DLGAP1: variants seen among roughly 807,000 people sequenced by gnomAD.
DLGAP1 encodes the protein disks large-associated protein 1.
Under a neutral mutation model 90.8 loss-of-function variants are expected in DLGAP1, and 11 were observed. That is an observed-to-expected ratio of 0.12 (90% CI 0.08 to 0.20). The LOEUF is 0.20. DLGAP1 is among the 10% of genes least tolerant of loss of function. The probability of loss-of-function intolerance (pLI) is 1.00; values close to 1 mark genes in which losing one functional copy is unlikely to be tolerated. For synonymous variants in DLGAP1, 558 were observed against 540.7 expected (o/e 1.03, Z -0.44); for missense variants, 1,050 against 1,333.8 (o/e 0.79, Z 3.31).
At chr18:3,505,637 TA>T (rs35445954) in intron 11 of DLGAP1, among the ~76,000 whole-genome samples, 2,123 of 87,668 alleles carry the variant, frequency 0.024, 55 homozygotes, top group African/African-American at 0.085. Flanking sequence ...AGACTCCCTC[TA>T]AAAAAAAAAA....
intron 3 of DLGAP1, among the ~76,000 whole-genome samples, chr18:3,906,169 T>C (rs778966595): frequency 1.3e-5 from 2 of 152,212 alleles, no homozygotes; most frequent in Non-Finnish European, 2.9e-5. Context: ...ATCTTTATAG[T>C]AGAAAAGAAC....
intron 2 of DLGAP1, among the ~76,000 whole-genome samples, chr18:4,061,936 A>T (rs2075303890): frequency 6.6e-6 from 1 of 152,148 alleles, no homozygotes; most frequent in Non-Finnish European, 1.5e-5. Flanking sequence ...TCTTAAATGC[A>T]GGATGCTGAT....
chr18:4,199,726 A>G (rs1308273217), intron 1 of DLGAP1, among the ~76,000 whole-genome samples: 1 of 152,226 alleles, frequency 6.6e-6, no homozygotes, highest in Non-Finnish European at 1.5e-5. Context: ...GGAAGAGATA[A>G]GAAGAATGCA....
At chr18:4,170,995 G>A (rs907699716) in intron 1 of DLGAP1, among the ~76,000 whole-genome samples, 1 of 152,028 alleles carries the variant, frequency 6.6e-6, no homozygotes, top group Admixed American at 6.6e-5. Context: ...GCTTAAATTT[G>A]CATGAGTATA....
intron 1 of DLGAP1, among the ~76,000 whole-genome samples, chr18:4,426,675 G>A (rs1436555773): frequency 6.6e-6 from 1 of 152,186 alleles, no homozygotes; most frequent in African/African-American, 2.4e-5. Context: ...GTTATTCTAA[G>A]AGGTAAGTGA....
rs1416968974 is a variant in DLGAP1 at position 4,454,784 on chromosome 18, C to G, written c.-267+222G>C. Among the ~76,000 whole-genome samples the G allele has an allele frequency of 2.0e-5, 3 of 151,854 alleles. No homozygotes were observed. Among genetic ancestry groups the G allele is most frequent in the African/African-American group, 7.2e-5 (3 of 41,382 alleles). Reference sequence around the variant, plus strand: ...TGGCCGGAGAGGACGCGCTCGCCCCCGAGATCCCAGGTTACCCGGAGGGCC... The same window carrying G: ...TGGCCGGAGAGGACGCGCTCGCCCCGGAGATCCCAGGTTACCCGGAGGGCC... On this transcript the variant is annotated intron_variant, in intron 1 of 12. Coordinates refer to ENST00000315677, the MANE Select transcript of DLGAP1 (RefSeq NM_004746.4). The surrounding 1 kb of genome is among the most constrained non-coding windows in gnomAD (Gnocchi z 4.7).
chr18:3,853,499 A>C (rs538258343), intron 4 of DLGAP1, among the ~76,000 whole-genome samples: 23 of 151,800 alleles, frequency 1.5e-4, no homozygotes, highest in Non-Finnish European at 3.2e-4. Flanking sequence ...ACAGGCGGTA[A>C]GATTCTGTGA....
intron 7 of DLGAP1, among the ~76,000 whole-genome samples, chr18:3,640,038 G>A (rs138738838): frequency 0.026 from 3,999 of 152,082 alleles, 192 homozygotes; most frequent in African/African-American, 0.092. Context: ...ACAGGCGTGA[G>A]CCACGGCACC....
intron 7 of DLGAP1, among the ~76,000 whole-genome samples, chr18:3,601,439 GGTGT>G (rs112583120): frequency 1.4e-5 from 2 of 148,098 alleles, no homozygotes; most frequent in African/African-American, 2.5e-5. Context: ...CATATGCAAG[GGTGT>G]GTGTGTGTGT....
At chr18:4,031,379 A>C (rs892421814) in intron 2 of DLGAP1, among the ~76,000 whole-genome samples, 1 of 152,224 alleles carries the variant, frequency 6.6e-6, no homozygotes, top group African/African-American at 2.4e-5. Flanking sequence ...ACTACTGAAA[A>C]CATTGGTGAC....
At chr18:3,952,237 A>AT (rs1274703522) in intron 3 of DLGAP1, among the ~76,000 whole-genome samples, 3 of 152,138 alleles carry the variant, frequency 2.0e-5, no homozygotes, top group East Asian at 3.9e-4. Flanking sequence ...CTGAGGGATG[A>AT]TTTTTTACTG....
intron 2 of DLGAP1, among the ~76,000 whole-genome samples, chr18:4,037,189 G>GA (rs2074902680): frequency 6.6e-6 from 1 of 152,184 alleles, no homozygotes; most frequent in Non-Finnish European, 1.5e-5. Context: ...CAATGCATAA[G>GA]AAGGATAAAG....
At chr18:3,894,345 G>T (rs1000532587) in intron 3 of DLGAP1, among the ~76,000 whole-genome samples, 1 of 152,072 alleles carries the variant, frequency 6.6e-6, no homozygotes, top group Non-Finnish European at 1.5e-5. Flanking sequence ...TATTCTCTCA[G>T]GTCTAACATG....
rs1410152397 is a variant in DLGAP1, at chr18:4,307,850, GA to G, written c.-267+147155del. Reference sequence around the variant, plus strand: ...CCTGCCTCAGCCTCTCGAGTTGCTGGAATTACAGGCATGCGCCACCACGCCT... The same window carrying G: ...CCTGCCTCAGCCTCTCGAGTTGCTGGATTACAGGCATGCGCCACCACGCCT... On this transcript the variant is annotated intron_variant, in intron 1 of 12. Coordinates refer to ENST00000315677, the MANE Select transcript of DLGAP1 (RefSeq NM_004746.4). 1.1e-4 allele frequency among the ~76,000 whole-genome samples: 16 copies of G among 151,734 alleles called. 1 individual carries two copies. The highest frequency in any genetic ancestry group is 2.0e-4 in the Admixed American group (3 of 15,210).
intron 6 of DLGAP1, among the ~76,000 whole-genome samples, 164 bp downstream of exon 6, chr18:3,742,171 C>A (rs1238675452): frequency 3.3e-5 from 5 of 152,196 alleles, no homozygotes; most frequent in Non-Finnish European, 5.9e-5. Flanking sequence ...CTTACTGCGG[C>A]TGAACCCATG....
chr18:4,454,940 C>T lies in DLGAP1; in HGVS notation c.-267+66G>A, dbSNP rs1225893327. 2 of 150,334 alleles carry T rather than the reference C, an allele frequency of 1.3e-5. No homozygotes were observed. The highest frequency in any genetic ancestry group is 1.3e-4 in the Admixed American group (2 of 15,050). The allele number at this position is 150,334 out of a possible 1,614,324, so 9.3% of individuals were successfully genotyped here. A position where few individuals can be genotyped will look rare whatever the true frequency, so the allele number is the denominator to read the frequency against. ...CCGCGCGGCAGGCAGCAGCCAGGAG[C>T]CACCCAGCGCGCCGCGACCGCCGCC... On this transcript the variant is annotated intron_variant, in intron 1 of 12. Transcript: ENST00000315677. The surrounding 1 kb of genome is among the most constrained non-coding windows in gnomAD (Gnocchi z 4.7).
chr18:4,082,338 T>C, intron 2 of DLGAP1, among the ~76,000 whole-genome samples: 1 of 57,644 alleles, frequency 1.7e-5, no homozygotes, highest in African/African-American at 6.5e-5. Context: ...CAAGACTCCA[T>C]CTCAAAAAAA....
intron 7 of DLGAP1, among the ~76,000 whole-genome samples, chr18:3,670,106 A>C (rs541790420): frequency 2.0e-5 from 3 of 152,326 alleles, no homozygotes; most frequent in African/African-American, 7.2e-5. Flanking sequence ...CAACAAAACA[A>C]AACAAAACAA....
chr18:4,012,496 G>A (rs1364881685), intron 2 of DLGAP1, among the ~76,000 whole-genome samples: 2 of 152,136 alleles, frequency 1.3e-5, no homozygotes, highest in African/African-American at 4.8e-5. Context: ...GCCTGGGCAT[G>A]AGACATACTC....
Sources: allele counts gnomAD v4.1 joint callset (sites outside exome capture counted in the v4.1 genomes callset), GRCh38; gene constraint gnomAD v4.1.1; non-coding constraint Gnocchi (gnomAD v3.1); transcripts MANE v1.5; gene names NCBI Gene and HGNC (gene_info 2026-07-23, HGNC 2026-07-21).